WDR7: variants seen among roughly 807,000 people sequenced by gnomAD.
WDR7 encodes WD repeat domain 7, also known as WD repeat-containing protein 7.
In WDR7, 46 loss-of-function variants were observed where a neutral mutation model predicts 169.4. The ratio of observed to expected loss-of-function variants is 0.27; its 90% CI spans 0.21 to 0.35. The LOEUF (loss-of-function observed/expected upper bound fraction) is 0.35. Among genes scored for constraint, WDR7 ranks in the 10% least tolerant of loss-of-function variants. WDR7 has a pLI of 1.00. For synonymous variants in WDR7, 612 were observed against 666.8 expected (o/e 0.92, Z 1.27); for missense variants, 1,534 against 1,859.3 (o/e 0.83, Z 3.22).
intron 20 of WDR7, among the ~76,000 whole-genome samples, chr18:56,849,408 A>G (rs990941388): frequency 3.3e-5 from 5 of 152,184 alleles, no homozygotes; most frequent in East Asian, 1.9e-4. Context: ...TTAAAAGGCA[A>G]TATTCCAAGG....
intron 21 of WDR7, among the ~76,000 whole-genome samples, chr18:56,916,038 G>C (rs1196461053): frequency 6.6e-6 from 1 of 152,170 alleles, no homozygotes; most frequent in Non-Finnish European, 1.5e-5. Context: ...ATGATGGCTG[G>C]TTCTAGAAAC....
At chr18:56,932,855 A>G (rs1209298735) in intron 22 of WDR7, among the ~76,000 whole-genome samples, 2 of 148,370 alleles carry the variant, frequency 1.3e-5, no homozygotes, top group Non-Finnish European at 3.0e-5. Flanking sequence ...TGCACACATG[A>G]TTGTATCTCT....
intron 20 of WDR7, among the ~76,000 whole-genome samples, chr18:56,850,628 G>C (rs1254286125): frequency 1.3e-5 from 2 of 152,060 alleles, no homozygotes; most frequent in Non-Finnish European, 2.9e-5. Context: ...TCTTGCCTTA[G>C]CCTCCTGAGT....
At chr18:56,808,936 G>C (rs950725752) in intron 19 of WDR7, among the ~76,000 whole-genome samples, 4 of 152,050 alleles carry the variant, frequency 2.6e-5, no homozygotes, top group Non-Finnish European at 5.9e-5. Context: ...TTATCTAAGC[G>C]TTTAGAAATC....
chr18:56,899,116 A>G (rs893856100), intron 21 of WDR7, among the ~76,000 whole-genome samples: 24 of 152,096 alleles, frequency 1.6e-4, no homozygotes, highest in Non-Finnish European at 3.4e-4. Context: ...TCCTTCCCCA[A>G]TATTTCTCCC....
Position 56,933,515 on chromosome 18 carries a change from T to G in WDR7, c.3714-2273T>G, listed in dbSNP as rs951816520. On this transcript the variant is annotated intron_variant, in intron 22 of 27. Coordinates refer to ENST00000254442, the MANE Select transcript of WDR7 (RefSeq NM_015285.3). ...ATAACTGTGCCTCCTGTATCTTCAT[T>G]CAAACCATTATTAATATTGAATAAA... 2.6e-5 allele frequency among the ~76,000 whole-genome samples: 4 copies of G among 152,362 alleles called. No homozygotes were observed. The East Asian group carries it at 7.7e-4, about 29-fold the overall frequency.
chr18:56,945,757 T>C (rs1374194587), intron 25 of WDR7, among the ~76,000 whole-genome samples: 1 of 152,140 alleles, frequency 6.6e-6, no homozygotes, highest in African/African-American at 2.4e-5. Flanking sequence ...GCCTGGCAAT[T>C]TCATAGCCTC....
intron 14 of WDR7, among the ~76,000 whole-genome samples, chr18:56,746,119 A>T (rs1049134481): frequency 3.9e-5 from 6 of 152,206 alleles, no homozygotes; most frequent in African/African-American, 9.6e-5. Flanking sequence ...TCAGGGAGAC[A>T]GTTTACTGCA....
chr18:57,024,685 A>C (rs1216491877), intron 27 of WDR7, among the ~76,000 whole-genome samples: 4 of 139,512 alleles, frequency 2.9e-5, no homozygotes, highest in Admixed American at 6.9e-5. Context: ...AGGAATAGGG[A>C]TATGTGAACT....
chr18:56,992,766 A>G (rs2047836790), intron 26 of WDR7, among the ~76,000 whole-genome samples: 1 of 152,206 alleles, frequency 6.6e-6, no homozygotes, highest in African/African-American at 2.4e-5. Context: ...CTCTAAGCCA[A>G]TCCAATCAAT....
chr18:56,703,705 TA>T (rs2025885786), intron 12 of WDR7, among the ~76,000 whole-genome samples: 1 of 152,092 alleles, frequency 6.6e-6, no homozygotes, highest in South Asian at 2.1e-4. Context: ...AGATATTTTC[TA>T]AAGACATCAT....
intron 20 of WDR7, among the ~76,000 whole-genome samples, chr18:56,876,210 C>G (rs564280673): frequency 6.6e-6 from 1 of 152,122 alleles, no homozygotes; most frequent in East Asian, 1.9e-4. Context: ...GCTAATTTCT[C>G]GGTTGGCATA....
rs529083657 is a variant in WDR7 at position 56,657,996 on chromosome 18, T to C, written c.-20+6420T>C. On this transcript the variant is annotated intron_variant, in intron 1 of 27. Coordinates refer to ENST00000254442, the MANE Select transcript of WDR7 (RefSeq NM_015285.3). The stretch of plus-strand genomic sequence containing the variant: ...AGCCATAAAATGTTGGAACAACGAA[T>C]GTTAGGGCACTGGTCAGTTTAGGGG... Among the ~76,000 whole-genome samples, 10 of 152,188 alleles carry C rather than the reference T, an allele frequency of 6.6e-5. No homozygotes were observed. In the South Asian group the frequency reaches 2.1e-3, roughly 32 times the overall value.
At chr18:56,760,337 A>G (rs981300911) in intron 16 of WDR7, among the ~76,000 whole-genome samples, 10 of 152,144 alleles carry the variant, frequency 6.6e-5, no homozygotes, top group African/African-American at 2.4e-4. Context: ...GACTTTTGTG[A>G]AGCCACTTCT....
chr18:56,731,124 G>T (rs1273652033), intron 13 of WDR7, among the ~76,000 whole-genome samples: 1 of 152,132 alleles, frequency 6.6e-6, no homozygotes, highest in African/African-American at 2.4e-5. Context: ...GGAAAAGCCT[G>T]GAGAAGGTTG....
intron 26 of WDR7, among the ~76,000 whole-genome samples, chr18:57,016,960 T>C (rs1005837002): frequency 2.0e-5 from 3 of 152,176 alleles, no homozygotes; most frequent in Non-Finnish European, 2.9e-5. Flanking sequence ...ATATAAAAAG[T>C]CTACCAAACC....
chr18:56,805,583 A>G (rs745744136), intron 19 of WDR7, among the ~76,000 whole-genome samples: 1 of 152,124 alleles, frequency 6.6e-6, no homozygotes, highest in African/African-American at 2.4e-5. Context: ...TGTCTTTAAC[A>G]ACTGCTTCTG....
chr18:56,665,700 G>A (rs547981412), intron 1 of WDR7, among the ~76,000 whole-genome samples: 2 of 152,210 alleles, frequency 1.3e-5, no homozygotes, highest in African/African-American at 4.8e-5. Context: ...ATATATAAAA[G>A]TAGAAAGAAC....
rs2043705407 is a variant in WDR7, at chr18:56,746,513, G to C, written c.1990-10070G>C. ...TTCTATTTCAGTAAGTGTAGTACTT[G>C]CTATATGCTTGTGCCACCCTTCACC... is the stretch of plus-strand genomic sequence containing the variant. On this transcript the variant is annotated intron_variant, in intron 14 of 27. Transcript: ENST00000254442. Among the ~76,000 whole-genome samples the C allele has an allele frequency of 2.0e-5, 3 of 152,128 alleles. No individual in the cohort carries two copies. The South Asian group carries it at 6.2e-4, about 32-fold the overall frequency.
Sources: gnomAD v4.1 joint callset for allele counts (sites outside exome capture counted in the v4.1 genomes callset) on GRCh38, gnomAD v4.1.1 for gene constraint, MANE v1.5 for transcripts, NCBI Gene and HGNC (gene_info 2026-07-23, HGNC 2026-07-21) for gene names.